Variants in SGCD observed in about 807,000 individuals in gnomAD.
SGCD encodes the protein sarcoglycan delta, also known as delta-sarcoglycan.
In SGCD, 18 loss-of-function variants were observed where a neutral mutation model predicts 36.6. That is an observed-to-expected ratio of 0.49 (90% CI 0.34 to 0.73). The LOEUF (loss-of-function observed/expected upper bound fraction) is 0.73, where lower values mean the gene tolerates loss of function less well. SGCD is among the 30% of genes least tolerant of loss of function. The pLI, the probability that SGCD is intolerant of heterozygous loss-of-function variation, is 0.01. For missense variants in SGCD, 387 were observed against 346.7 expected, an observed-to-expected ratio of 1.12 and a Z score of -0.92; for synonymous variants, 133 against 130.6, an observed-to-expected ratio of 1.02 and a Z score of -0.12.
chr5:156,500,094 G>A (rs910998521), intron 3 of SGCD, among the ~76,000 whole-genome samples: 6 of 151,972 alleles, frequency 3.9e-5, no homozygotes, highest in Admixed American at 6.6e-5. Flanking sequence ...TTTTGTATGC[G>A]TCCAACCCCC....
At chr5:156,138,612 C>T (rs763148563) in intron 3 of SGCD, among the ~76,000 whole-genome samples, 6 of 152,180 alleles carry the variant, frequency 3.9e-5, no homozygotes, top group Non-Finnish European at 8.8e-5. Flanking sequence ...AGACATCTGG[C>T]TGTTTCCCAT....
At chr5:155,767,486 A>G in the SGCD span, among the ~76,000 whole-genome samples, 3 of 152,218 alleles carry the variant, frequency 2.0e-5, no homozygotes, top group Non-Finnish European at 2.9e-5. Context: ...GCTGAAGATA[A>G]GGTCCAGGGA....
At chr5:155,812,383 G>C in the SGCD span, among the ~76,000 whole-genome samples, 9 of 152,314 alleles carry the variant, frequency 5.9e-5, no homozygotes, top group Non-Finnish European at 1.2e-4. Context: ...ATCACGCGCT[G>C]TTGGCTCGTT....
intron 3 of SGCD, among the ~76,000 whole-genome samples, chr5:156,379,496 A>G (rs1770864745): frequency 6.6e-6 from 1 of 152,202 alleles, no homozygotes; most frequent in Non-Finnish European, 1.5e-5. Context: ...CTATGATGAC[A>G]GGATAGAGTA....
the SGCD span, among the ~76,000 whole-genome samples, chr5:155,790,417 A>T: frequency 6.6e-6 from 1 of 152,076 alleles, no homozygotes; most frequent in Non-Finnish European, 1.5e-5. Context: ...AAATGCTAGC[A>T]TGGAGACAAT....
At chr5:156,454,306 C>T (rs1754159185) in intron 3 of SGCD, among the ~76,000 whole-genome samples, 1 of 151,958 alleles carries the variant, frequency 6.6e-6, no homozygotes, top group African/African-American at 2.4e-5. Flanking sequence ...ATAGAAACCA[C>T]ACAATAAGTT....
the SGCD span, among the ~76,000 whole-genome samples, chr5:155,748,804 G>T: frequency 6.6e-6 from 1 of 152,178 alleles, no homozygotes; most frequent in African/African-American, 2.4e-5. Context: ...TGAGACTCAT[G>T]AATGAAGAGA....
chr5:156,553,548 C>T (rs185929779), intron 4 of SGCD, among the ~76,000 whole-genome samples: 5 of 152,124 alleles, frequency 3.3e-5, no homozygotes, highest in African/African-American at 1.2e-4. Context: ...CAATCATCAC[C>T]ACTGCCTAAT....
At chr5:156,719,293 A>G (rs1755372973) in intron 7 of SGCD, among the ~76,000 whole-genome samples, 1 of 151,888 alleles carries the variant, frequency 6.6e-6, no homozygotes, top group African/African-American at 2.4e-5. Flanking sequence ...CTTTCAACTG[A>G]TTGGATGAGG....
upstream of SGCD, among the ~76,000 whole-genome samples, chr5:156,325,421 T>C (rs1767780890): frequency 6.6e-6 from 1 of 151,870 alleles, no homozygotes; most frequent in Admixed American, 6.6e-5. Flanking sequence ...TTTACACAGA[T>C]TATCTCACTG....
intron 3 of SGCD, among the ~76,000 whole-genome samples, chr5:156,164,520 C>G (rs149763340): frequency 1.1e-3 from 162 of 152,282 alleles, no homozygotes; most frequent in African/African-American, 3.8e-3. Flanking sequence ...GCATTCCTGT[C>G]TATTTCCAGT....
At chr5:156,435,732 G>A (rs767524341) in intron 3 of SGCD, among the ~76,000 whole-genome samples, 22 of 152,098 alleles carry the variant, frequency 1.4e-4, no homozygotes, top group Non-Finnish European at 2.9e-4. Flanking sequence ...GCTACTAACT[G>A]TTTAAAAAAT....
At chr5:156,076,586 A>G (rs992047531) in intron 1 of SGCD, among the ~76,000 whole-genome samples, 2 of 152,194 alleles carry the variant, frequency 1.3e-5, no homozygotes, top group African/African-American at 4.8e-5. Flanking sequence ...TTAGCTAGCT[A>G]TGGGATGAAG....
intron 1 of SGCD, among the ~76,000 whole-genome samples, chr5:155,939,961 G>A (rs546884469): frequency 1.3e-5 from 2 of 151,602 alleles, no homozygotes; most frequent in South Asian, 2.1e-4. Flanking sequence ...AGCCTCCTAA[G>A]TAGCTGGGAT....
chr5:156,428,007 A>G (rs1356856809), intron 3 of SGCD, among the ~76,000 whole-genome samples: 1 of 151,890 alleles, frequency 6.6e-6, no homozygotes, highest in African/African-American at 2.4e-5. Context: ...CTTTTTGGTT[A>G]TGTCCTTTCC....
At chr5:156,320,203 A>C (rs1246505832) in intron 3 of SGCD, among the ~76,000 whole-genome samples, 1 of 151,884 alleles carries the variant, frequency 6.6e-6, no homozygotes, top group Non-Finnish European at 1.5e-5. Context: ...TCCTCATTCA[A>C]GAAGTTTACC....
rs76019057 is a variant in SGCD at position 156,491,968 on chromosome 5, A to G, written c.193-16633A>G. Among the ~76,000 whole-genome samples, 723 of 152,082 alleles carry G rather than the reference A, an allele frequency of 4.8e-3. 3 individuals are homozygous for G. Among genetic ancestry groups the G allele is most frequent in the African/African-American group, 0.016 (667 of 41,430 alleles). ...TGACAACTCCTGATACTGTTCTATAATTGGGTTTCCCTGTCATCAGAAGTA... is the reference window on the plus strand; with the variant it reads ...TGACAACTCCTGATACTGTTCTATAGTTGGGTTTCCCTGTCATCAGAAGTA... On this transcript the variant is annotated intron_variant, in intron 3 of 8. Coordinates refer to ENST00000337851, the MANE Select transcript of SGCD (RefSeq NM_000337.6).
intron 1 of SGCD, among the ~76,000 whole-genome samples, chr5:156,109,872 G>A (rs1761743239): frequency 6.6e-6 from 1 of 152,104 alleles, no homozygotes; most frequent in African/African-American, 2.4e-5. Context: ...ATAGGTATTT[G>A]CCAAATTAGG....
chr5:156,090,882 C>T (rs1482781187), intron 1 of SGCD, among the ~76,000 whole-genome samples: 4 of 152,124 alleles, frequency 2.6e-5, no homozygotes, highest in African/African-American at 9.7e-5. Context: ...TTATAGGCTC[C>T]CTGCCAGAAG....
Sources: allele counts gnomAD v4.1 joint callset (sites outside exome capture counted in the v4.1 genomes callset), GRCh38; gene constraint gnomAD v4.1.1; transcripts MANE v1.5; gene names NCBI Gene and HGNC (gene_info 2026-07-23, HGNC 2026-07-21).